ROBO1: variants seen among roughly 807,000 people sequenced by gnomAD.
ROBO1 encodes roundabout guidance receptor 1, also known as roundabout homolog 1.
ROBO1 carries 149 observed loss-of-function variants against 195.9 expected under a neutral mutation model. That is an observed-to-expected ratio of 0.76 (90% CI 0.67 to 0.87). ROBO1 has a LOEUF of 0.87. ROBO1 is among the 40% of genes least tolerant of loss of function. The pLI is 0.00. For synonymous variants in ROBO1, 816 were observed against 733.2 expected (o/e 1.11, Z -1.82); for missense variants, 1,933 against 2,068.3 (o/e 0.93, Z 1.27).
At chr3:78,842,094 T>C (rs1346488789) in intron 4 of ROBO1, among the ~76,000 whole-genome samples, 1 of 148,802 alleles carries the variant, frequency 6.7e-6, no homozygotes, top group Non-Finnish European at 1.5e-5. Context: ...CTGCTGCCTG[T>C]CAGGCCATCT....
intron 2 of ROBO1, among the ~76,000 whole-genome samples, chr3:79,416,280 T>C (rs1276048415): frequency 4.0e-5 from 6 of 151,574 alleles, no homozygotes; most frequent in Non-Finnish European, 5.9e-5. Context: ...CTTCGAGTTG[T>C]AGTGGAGATA....
In ROBO1 at chr3:78,652,407, A is replaced by G. The variant is rs1706724746; in HGVS notation, c.2615-478T>C. On this transcript the variant is annotated intron_variant, in intron 18 of 30. Transcript: ENST00000464233. ...TGCTTAAATAGTATGTTCTAAAAAA[A>G]AAGAAATAAAATTTTATTTCTTCTC... is the stretch of plus-strand genomic sequence containing the variant. Among the ~76,000 whole-genome samples, 4 of 152,210 alleles carry G rather than the reference A, an allele frequency of 2.6e-5. No individual in the cohort carries two copies. In the South Asian group the frequency reaches 8.3e-4, roughly 32 times the overall value.
chr3:79,540,494 C>T (rs974489310), intron 2 of ROBO1, among the ~76,000 whole-genome samples: 2 of 152,002 alleles, frequency 1.3e-5, no homozygotes, highest in South Asian at 2.1e-4. Context: ...TTTCAACATC[C>T]GCTCATAACC....
intron 4 of ROBO1, among the ~76,000 whole-genome samples, chr3:78,838,306 G>A (rs1374191716): frequency 6.6e-6 from 1 of 152,178 alleles, no homozygotes; most frequent in African/African-American, 2.4e-5. Flanking sequence ...GTGTACTTCA[G>A]GATGAATACA....
intron 2 of ROBO1, among the ~76,000 whole-genome samples, chr3:79,558,999 A>T (rs1942811421): frequency 6.6e-6 from 1 of 152,198 alleles, no homozygotes; most frequent in Non-Finnish European, 1.5e-5. Flanking sequence ...TCCCCACATA[A>T]CAAACCTAAC....
chr3:79,607,193 T>C (rs1459634701), intron 1 of ROBO1, among the ~76,000 whole-genome samples: 1 of 151,418 alleles, frequency 6.6e-6, no homozygotes, highest in African/African-American at 2.4e-5. Flanking sequence ...GTGATTTTAC[T>C]ATATGGAAAA....
intron 2 of ROBO1, among the ~76,000 whole-genome samples, chr3:79,436,089 A>G (rs13325905): frequency 1.3e-5 from 2 of 152,174 alleles, no homozygotes; most frequent in African/African-American, 4.8e-5. Flanking sequence ...GTAAAGAAAG[A>G]ATAATAAGTT....
intron 3 of ROBO1, among the ~76,000 whole-genome samples, chr3:78,978,327 C>T (rs962644929): frequency 1.3e-5 from 2 of 152,106 alleles, no homozygotes; most frequent in Non-Finnish European, 2.9e-5. Flanking sequence ...ACCCTGTCCT[C>T]CTTGGACCAA....
chr3:79,322,166 C>CA (rs1328052890), intron 2 of ROBO1, among the ~76,000 whole-genome samples: 1 of 152,150 alleles, frequency 6.6e-6, no homozygotes, highest in East Asian at 1.9e-4. Flanking sequence ...CCTAGGTGCT[C>CA]AGGTGGTTTC....
At chr3:78,697,967 T>C (rs754789511) in intron 8 of ROBO1, among the ~76,000 whole-genome samples, 2 of 152,094 alleles carry the variant, frequency 1.3e-5, no homozygotes, top group African/African-American at 2.4e-5. Context: ...GACTATGGAA[T>C]TCTTCTGCTA....
chr3:78,832,025 G>A (rs2032267688), intron 4 of ROBO1, among the ~76,000 whole-genome samples: 1 of 83,988 alleles, frequency 1.2e-5, no homozygotes, highest in Non-Finnish European at 2.9e-5. Context: ...ATGAGGAAAT[G>A]ATAAATGAAA....
intron 5 of ROBO1, among the ~76,000 whole-genome samples, chr3:78,727,541 C>T (rs1054899403): frequency 1.3e-5 from 2 of 152,102 alleles, no homozygotes. Flanking sequence ...AGGAGAATGG[C>T]GTGAACCCAG....
intron 2 of ROBO1, among the ~76,000 whole-genome samples, chr3:79,339,004 C>T (rs755113327): frequency 6.6e-5 from 10 of 152,136 alleles, no homozygotes; most frequent in Non-Finnish European, 1.0e-4. Context: ...TCAACCTTGA[C>T]TCATCTCTTT....
At position 78,700,998 on chromosome 3, in the gene ROBO1, G is replaced by A. The variant is rs1184087708; in HGVS notation, c.1046-12226C>T. Among the ~76,000 whole-genome samples the A allele has an allele frequency of 5.3e-5, 8 of 152,022 alleles. 1 individual carries two copies. The South Asian group carries it at 6.2e-4, about 12-fold the overall frequency. ...AGGCTTGTCTCGAACTGGTAACCTCGGGTGATCCACCCGCCTCAGCCTCCC... is the reference window on the plus strand; with the variant it reads ...AGGCTTGTCTCGAACTGGTAACCTCAGGTGATCCACCCGCCTCAGCCTCCC... On this transcript the variant is annotated intron_variant, in intron 8 of 30. Coordinates refer to ENST00000464233, the MANE Select transcript of ROBO1 (RefSeq NM_002941.4).
intron 2 of ROBO1, among the ~76,000 whole-genome samples, chr3:79,145,222 A>G (rs2080621334): frequency 6.6e-6 from 1 of 151,922 alleles, no homozygotes; most frequent in East Asian, 1.9e-4. Flanking sequence ...GTAATTTACT[A>G]TAAACACCAT....
chr3:79,229,526 A>G (rs1478643265), intron 2 of ROBO1, among the ~76,000 whole-genome samples: 1 of 152,106 alleles, frequency 6.6e-6, no homozygotes, highest in African/African-American at 2.4e-5. Flanking sequence ...AGCTCACTGT[A>G]GCCTGGAACT....
chr3:79,642,620 T>A (rs2106679723), intron 1 of ROBO1, among the ~76,000 whole-genome samples: 1 of 152,198 alleles, frequency 6.6e-6, no homozygotes, highest in African/African-American at 2.4e-5. Flanking sequence ...GAGATGGCTT[T>A]TTCAAAGTAA....
intron 4 of ROBO1, among the ~76,000 whole-genome samples, chr3:78,823,911 G>A (rs879740204): frequency 3.9e-5 from 6 of 151,958 alleles, no homozygotes; most frequent in Non-Finnish European, 7.4e-5. Flanking sequence ...TGTGGCACAT[G>A]AGCATGCATG....
At chr3:78,998,314 G>A (rs890794880) in intron 3 of ROBO1, among the ~76,000 whole-genome samples, 22 of 152,004 alleles carry the variant, frequency 1.4e-4, no homozygotes, top group Admixed American at 6.6e-5. Flanking sequence ...TAATAACGAC[G>A]GCAAAAGTAG....
Sources: allele counts gnomAD v4.1 joint callset (sites outside exome capture counted in the v4.1 genomes callset), GRCh38; gene constraint gnomAD v4.1.1; transcripts MANE v1.5; gene names NCBI Gene and HGNC (gene_info 2026-07-23, HGNC 2026-07-21).